ELSPBP1: variants seen among roughly 807,000 people sequenced by gnomAD.
The protein encoded by ELSPBP1 is epididymal sperm-binding protein 1.
ELSPBP1 carries 38 observed loss-of-function variants against 33.3 expected under a neutral mutation model. The observed-to-expected ratio is 1.14, with a 90% confidence interval of 0.88 to 1.50. ELSPBP1 has a LOEUF of 1.50. ELSPBP1 is among the 40% of genes most tolerant of loss of function. ELSPBP1 has a pLI of 0.00. For missense variants in ELSPBP1, 267 were observed against 263.5 expected (o/e 1.01, Z -0.09); for synonymous variants, 85 against 94.1 (o/e 0.90, Z 0.56).
intron 1 of ELSPBP1, among the ~76,000 whole-genome samples, chr19:48,004,824 C>T (rs1322212601): frequency 6.6e-6 from 1 of 152,258 alleles, no homozygotes; most frequent in East Asian, 1.9e-4. Context: ...CTGCTGCATA[C>T]TCATCGTGTA....
At position 47,998,152 on chromosome 19, in the gene ELSPBP1, T is replaced by G. The variant is rs144901169; in HGVS notation, c.-18+3341T>G. On this transcript the variant is annotated intron_variant, in intron 1 of 6. Transcript: ENST00000339841. ...GGATGGCCTGGGCGCGGTAGCTCAA[T>G]CCTGTAATCCCAGCACTTAGGGGGG... is the stretch of plus-strand genomic sequence containing the variant. 3.9e-3 allele frequency among the ~76,000 whole-genome samples: 590 copies of G among 152,146 alleles called. 1 individual carries two copies. Among genetic ancestry groups the G allele is most frequent in the African/African-American group, 0.014 (563 of 41,534 alleles).
intron 1 of ELSPBP1, among the ~76,000 whole-genome samples, chr19:48,006,923 C>T (rs940773779): frequency 8.6e-5 from 13 of 152,040 alleles, no homozygotes; most frequent in African/African-American, 3.1e-4. Flanking sequence ...AGCGGGAGAG[C>T]CAAGCACTGT....
intron 5 of ELSPBP1, among the ~76,000 whole-genome samples, chr19:48,021,285 C>T (rs1208923783): frequency 2.6e-5 from 4 of 152,046 alleles, no homozygotes; most frequent in African/African-American, 9.7e-5. Context: ...GGTGCTCTTT[C>T]GGCTCATTTC....
chr19:48,001,727 G>A (rs1406545155), intron 1 of ELSPBP1, among the ~76,000 whole-genome samples: 2 of 150,248 alleles, frequency 1.3e-5, no homozygotes, highest in African/African-American at 4.9e-5. Flanking sequence ...TTTTTTTTAA[G>A]ATTGTTTGTA....
At chr19:48,002,716 G>C (rs907142557) in intron 1 of ELSPBP1, among the ~76,000 whole-genome samples, 17 of 152,176 alleles carry the variant, frequency 1.1e-4, no homozygotes, top group Admixed American at 5.9e-4. Context: ...TGCTTGAACC[G>C]GGGAGGCGGA....
chr19:48,022,102 A>G (rs1022060400), intron 5 of ELSPBP1, 68 bp from the exon 6 acceptor site: 25 of 1,434,300 alleles, frequency 1.7e-5, no homozygotes, highest in Admixed American at 4.5e-5. Flanking sequence ...GTGGGCCTGA[A>G]GCCCACGCCT....
chr19:48,000,072 C>G (rs1286406030), intron 1 of ELSPBP1, among the ~76,000 whole-genome samples: 1 of 152,080 alleles, frequency 6.6e-6, no homozygotes, highest in Non-Finnish European at 1.5e-5. Flanking sequence ...GTGATCCTCC[C>G]ACCTTGGCCT....
At chr19:48,019,688 T>C (rs745845983) in intron 4 of ELSPBP1, 31 bp from the exon 5 acceptor site, 2 of 1,598,424 alleles carry the variant, frequency 1.3e-6, no homozygotes, top group East Asian at 4.5e-5. Context: ...CTCCTCTTCT[T>C]GACCCGTAAC....
At position 48,003,334 on chromosome 19, in the gene ELSPBP1, A is replaced by G. The variant is rs376221207; in HGVS notation, c.-17-5317A>G. On this transcript the variant is annotated intron_variant, in intron 1 of 6. Coordinates refer to ENST00000339841, the MANE Select transcript of ELSPBP1 (RefSeq NM_022142.5). ...ATTGCACAAAGAAGCAAGCCATGCA[A>G]ATAGCTGGGGTCAAGGGATCATCCC... is the stretch of plus-strand genomic sequence containing the variant. Among the ~76,000 whole-genome samples the G allele has an allele frequency of 4.1e-3, 427 of 104,194 alleles. 2 individuals are homozygous for G. The highest frequency in any genetic ancestry group is 5.2e-3 in the Non-Finnish European group (240 of 45,842). The allele number at this position is 104,194 out of a possible 152,430, so 68.4% of individuals were successfully genotyped here. A position where few individuals can be genotyped will look rare whatever the true frequency, so the allele number is the denominator to read the frequency against.
chr19:47,999,545 C>A (rs1295463154), intron 1 of ELSPBP1, among the ~76,000 whole-genome samples: 3 of 151,922 alleles, frequency 2.0e-5, no homozygotes, highest in African/African-American at 7.3e-5. Context: ...TGTGTCACCA[C>A]GCCTGGCTAA....
At chr19:48,022,993 A>G (rs1282682590) in intron 6 of ELSPBP1, among the ~76,000 whole-genome samples, 10 of 151,976 alleles carry the variant, frequency 6.6e-5, no homozygotes, top group Non-Finnish European at 4.4e-5. Flanking sequence ...GCAGTGAGCT[A>G]TGATTACACC....
intron 4 of ELSPBP1, among the ~76,000 whole-genome samples, chr19:48,018,654 G>T (rs1967166596): frequency 6.6e-6 from 1 of 152,128 alleles, no homozygotes; most frequent in Non-Finnish European, 1.5e-5. Context: ...ACAAACTGAG[G>T]TTAATAGAAG....
In ELSPBP1 at chr19:48,015,502, A is replaced by C. The variant is rs1264841418; in HGVS notation, c.209-391A>C. ...GACACCCCATCTCTACTAAAAATTA[A>C]AAAAAATTAGCTGGGTGTGGTGGCA... On this transcript the variant is annotated intron_variant, in intron 3 of 6. Coordinates refer to ENST00000339841, the MANE Select transcript of ELSPBP1 (RefSeq NM_022142.5). Among the ~76,000 whole-genome samples the C allele has an allele frequency of 9.9e-5, 15 of 152,002 alleles. No homozygotes were observed. In the East Asian group the frequency reaches 2.5e-3, roughly 25 times the overall value.
chr19:48,004,760 C>T (rs557981902), intron 1 of ELSPBP1, among the ~76,000 whole-genome samples: 1 of 152,348 alleles, frequency 6.6e-6, no homozygotes, highest in South Asian at 2.1e-4. Context: ...TCATATCTGT[C>T]TCCTTGGTTG....
chr19:47,998,530 T>G lies in ELSPBP1; in HGVS notation c.-18+3719T>G, dbSNP rs1022529760. On this transcript the variant is annotated intron_variant, in intron 1 of 6. Coordinates refer to ENST00000339841, the MANE Select transcript of ELSPBP1 (RefSeq NM_022142.5). The stretch of plus-strand genomic sequence containing the variant: ...TCCGGGGCGCGGTGGCTCACGCCTG[T>G]AATCCCAGCACTTTGGGAGGCCGAG... Among the ~76,000 whole-genome samples the G allele has an allele frequency of 2.0e-5, 3 of 152,124 alleles. No homozygotes were observed. In the South Asian group the frequency reaches 6.2e-4, roughly 31 times the overall value.
At chr19:48,005,311 T>C (rs1967007008) in intron 1 of ELSPBP1, among the ~76,000 whole-genome samples, 3 of 151,424 alleles carry the variant, frequency 2.0e-5, no homozygotes, top group South Asian at 2.1e-4. Flanking sequence ...AGGACAACAG[T>C]TGAATAGTTG....
At chr19:48,022,400 T>C in intron 6 of ELSPBP1, 66 bp downstream of exon 6, 1 of 1,383,504 alleles carries the variant, frequency 7.2e-7, no homozygotes, top group Non-Finnish European at 9.7e-7. Context: ...ACAACTGGTG[T>C]GTCACTGATG....
intron 3 of ELSPBP1, 112 bp downstream of exon 3, chr19:48,014,420 G>A (rs1005870639): frequency 2.4e-5 from 27 of 1,140,222 alleles, no homozygotes; most frequent in Admixed American, 2.1e-4. Flanking sequence ...ACGGTAATAC[G>A]TATGCGTGCG....
intron 1 of ELSPBP1, among the ~76,000 whole-genome samples, chr19:48,000,074 C>A (rs1336218778): frequency 1.3e-5 from 2 of 152,084 alleles, no homozygotes; most frequent in Admixed American, 1.3e-4. Context: ...GATCCTCCCA[C>A]CTTGGCCTCC....
Sources: allele counts gnomAD v4.1 joint callset (sites outside exome capture counted in the v4.1 genomes callset), GRCh38; gene constraint gnomAD v4.1.1; transcripts MANE v1.5; gene names NCBI Gene and HGNC (gene_info 2026-07-23, HGNC 2026-07-21).